RYR3: variants seen among roughly 807,000 people sequenced by gnomAD.
RYR3 encodes brain ryanodine receptor-calcium release channel.
Under a neutral mutation model 584.3 loss-of-function variants are expected in RYR3, and 207 were observed. That is an observed-to-expected ratio of 0.35 (90% CI 0.32 to 0.40). The LOEUF (loss-of-function observed/expected upper bound fraction) is 0.40, where lower values mean the gene tolerates loss of function less well. Among genes scored for constraint, RYR3 ranks in the 10% least tolerant of loss-of-function variants. RYR3 has a pLI of 1.00. For missense variants in RYR3, 5,616 were observed against 6,089.2 expected (o/e 0.92, Z 2.59); for synonymous variants, 2,416 against 2,248.5 (o/e 1.07, Z -2.11).
intron 1 of RYR3, among the ~76,000 whole-genome samples, chr15:33,362,434 G>GCAGCAT (rs1595856398): frequency 6.6e-6 from 1 of 152,292 alleles, no homozygotes; most frequent in East Asian, 1.9e-4. Context: ...AGCAGCAGCA[G>GCAGCAT]CAGCATCAGC....
chr15:33,603,190 C>G lies in RYR3; in HGVS notation c.1990C>G (p.Leu664Val). The G allele has an allele frequency of 6.2e-7, 1 of 1,613,904 alleles. No individual in the cohort carries two copies. Among genetic ancestry groups the G allele is most frequent in the Non-Finnish European group, 8.5e-7 (1 of 1,179,856 alleles). The change falls in exon 18 of 104, where the codon CTG becomes GTG. Residue 664 changes from leucine to valine, a missense_variant. Leu to Val is a conservative substitution (Grantham distance 32). This residue lies in a region of RYR3 where 1,284 missense variants were observed against 1,344.6 expected (regional missense o/e 0.95). Coordinates refer to ENST00000634891, the MANE Select transcript of RYR3 (RefSeq NM_001036.6). ...SAQYKKWYFE[L>V]IIDQVDPFLT... Reference sequence around the variant, plus strand: ...CCAGTACAAGAAGTGGTACTTCGAGCTGATTATCGACCAGGTGGACCCCTT... The same window carrying G: ...CCAGTACAAGAAGTGGTACTTCGAGGTGATTATCGACCAGGTGGACCCCTT...
chr15:33,799,783 A>C (rs1002491247), intron 67 of RYR3, among the ~76,000 whole-genome samples: 1 of 152,086 alleles, frequency 6.6e-6, no homozygotes, highest in Non-Finnish European at 1.5e-5. Flanking sequence ...TGAGCCCTTA[A>C]CCTGTGGGGA....
rs149237140 is a variant in RYR3 at position 33,827,914 on chromosome 15, A to G, written c.11334+627A>G. Among the ~76,000 whole-genome samples, 504 of 152,330 alleles carry G rather than the reference A, an allele frequency of 3.3e-3. 2 individuals carry two copies. The highest frequency in any genetic ancestry group is 0.011 in the African/African-American group (450 of 41,566). ...TAGTAAAGATTGAGAGGTTGGATAC[A>G]GGCATACCTCATTTTATTGCAGTTG... On this transcript the variant is annotated intron_variant, in intron 85 of 103. Coordinates refer to ENST00000634891, the MANE Select transcript of RYR3 (RefSeq NM_001036.6).
intron 1 of RYR3, among the ~76,000 whole-genome samples, chr15:33,435,752 G>A (rs965299013): frequency 1.3e-5 from 2 of 152,138 alleles, no homozygotes; most frequent in African/African-American, 4.8e-5. Context: ...AGATGAAGCT[G>A]CAGACCCTCG....
At position 33,806,758 on chromosome 15, in the gene RYR3, C is replaced by CT. The variant is rs10713428; in HGVS notation, c.10012-784dup. On this transcript the variant is annotated intron_variant, in intron 69 of 103. Transcript: ENST00000634891. Reference sequence around the variant, plus strand: ...TTTTGTTAATAAATCTTCTTTTTTCCTTTTTTTTTTTTTAAGACAGGGTGT... The same window carrying CT: ...TTTTGTTAATAAATCTTCTTTTTTCCTTTTTTTTTTTTTTAAGACAGGGTGT... 3.2e-3 allele frequency among the ~76,000 whole-genome samples: 453 copies of CT among 143,238 alleles called. 5 individuals are homozygous for CT. Among genetic ancestry groups the CT allele is most frequent in the South Asian group, 0.014 (62 of 4,458 alleles). 94.0% of individuals were successfully genotyped at this position (143,238 alleles called of 152,430 possible).
Position 33,696,276 on chromosome 15 carries a change from C to A in RYR3, c.5919C>A (p.Ile1973=). The change falls in exon 39 of 104, where the codon ATC becomes ATA. Residue 1973 remains isoleucine (I), a synonymous_variant. Transcript: ENST00000634891. ...TMICWAQEDQ[I]QDSELVRMMF... ...TCTGCTGGGCCCAGGAGGACCAGAT[C>A]CAGGATTCAGAGCTGGTCCGAATGA... 2 of 1,613,744 alleles carry A rather than the reference C, an allele frequency of 1.2e-6. No homozygotes were observed. The highest frequency in any genetic ancestry group is 1.7e-6 in the Non-Finnish European group (2 of 1,179,820).
At chr15:33,772,189 A>G (rs754031695) in intron 63 of RYR3, 31 bp downstream of exon 63, 17 of 1,433,554 alleles carry the variant, frequency 1.2e-5, no homozygotes, top group Non-Finnish European at 1.6e-5. Context: ...TCGTGGATGT[A>G]TGTGCACATG....
intron 6 of RYR3, among the ~76,000 whole-genome samples, chr15:33,540,396 G>A (rs754169536): frequency 6.6e-5 from 10 of 152,202 alleles, no homozygotes; most frequent in South Asian, 2.1e-4. Flanking sequence ...TGAGAGAAAC[G>A]TCAGAGAAGC....
At chr15:33,331,229 A>G (rs1015532103) in intron 1 of RYR3, among the ~76,000 whole-genome samples, 15 of 152,188 alleles carry the variant, frequency 9.9e-5, no homozygotes, top group African/African-American at 3.6e-4. Flanking sequence ...TTTTAAAACG[A>G]GTTCATTCTC....
intron 18 of RYR3, among the ~76,000 whole-genome samples, chr15:33,611,577 A>G (rs978473931): frequency 6.6e-6 from 1 of 151,930 alleles, no homozygotes; most frequent in Non-Finnish European, 1.5e-5. Context: ...AAAAATGTGT[A>G]TAACTCCATA....
At chr15:33,525,539 G>A (rs2054323754) in intron 3 of RYR3, among the ~76,000 whole-genome samples, 1 of 152,188 alleles carries the variant, frequency 6.6e-6, no homozygotes, top group African/African-American at 2.4e-5. Context: ...CTGTAACAAA[G>A]TACACCTTTC....
chr15:33,646,228 G>C lies in RYR3; in HGVS notation c.3766-123G>C, dbSNP rs890427827. 10 of 780,540 alleles carry C rather than the reference G, an allele frequency of 1.3e-5. No homozygotes were observed. The African/African-American group carries it at 1.4e-4, about 11-fold the overall frequency. 48.4% of individuals were successfully genotyped at this position (780,540 alleles called of 1,614,324 possible). ...TGAGAATCATAGTTTGGTTATCACT[G>C]GACACAACTTACTTCTGTAGTTCAC... On this transcript the variant is annotated intron_variant, in intron 28 of 103. Transcript: ENST00000634891.
At position 33,646,668 on chromosome 15, in the gene RYR3, A is replaced by C. The variant is rs980481532; in HGVS notation, c.3941+142A>C. 4.1e-6 allele frequency: 3 copies of C among 727,010 alleles called. No homozygotes were observed. In the Admixed American group the frequency reaches 8.7e-5, roughly 21 times the overall value. The allele number at this position is 727,010 out of a possible 1,614,324, so 45.0% of individuals were successfully genotyped here. A position where few individuals can be genotyped will look rare whatever the true frequency, so the allele number is the denominator to read the frequency against. On this transcript the variant is annotated intron_variant, in intron 29 of 103. Coordinates refer to ENST00000634891, the MANE Select transcript of RYR3 (RefSeq NM_001036.6). ...CAGTCAGGTAAAAAAGAAAATGAGA[A>C]TGTATGTGCACGCATGTACATGCAA...
chr15:33,693,128 G>A (rs967112106), intron 38 of RYR3, among the ~76,000 whole-genome samples: 1 of 152,164 alleles, frequency 6.6e-6, no homozygotes, highest in Non-Finnish European at 1.5e-5. Flanking sequence ...TTGTACTGAC[G>A]GGACTAGAAA....
At chr15:33,789,766 C>T (rs2075028770) in intron 67 of RYR3, among the ~76,000 whole-genome samples, 1 of 131,752 alleles carries the variant, frequency 7.6e-6, no homozygotes, top group Non-Finnish European at 1.6e-5. Flanking sequence ...GCTCCGCCTC[C>T]TGGGCTCATG....
chr15:33,490,773 TGA>T (rs1318224821), intron 2 of RYR3, among the ~76,000 whole-genome samples: 1 of 148,948 alleles, frequency 6.7e-6, no homozygotes, highest in African/African-American at 2.5e-5. Context: ...TCAAGAAAGA[TGA>T]GAACTTTTTG....
intron 49 of RYR3, 140 bp from the exon 50 acceptor site, chr15:33,738,310 T>G: frequency 2.4e-6 from 2 of 827,526 alleles, no homozygotes; most frequent in Non-Finnish European, 1.8e-6. Flanking sequence ...TTGAAGGGCC[T>G]CTTTGTAGAC....
At chr15:33,764,657 G>A (rs1312882347) in intron 60 of RYR3, among the ~76,000 whole-genome samples, 1 of 151,804 alleles carries the variant, frequency 6.6e-6, no homozygotes, top group African/African-American at 2.4e-5. Flanking sequence ...TGGGGAAAGT[G>A]AACACGTAAC....
chr15:33,548,262 G>A lies in RYR3; in HGVS notation c.815+58G>A, dbSNP rs186684177. The A allele has an allele frequency of 2.8e-5, 29 of 1,049,270 alleles. No homozygotes were observed. The East Asian group carries it at 3.3e-4, about 12-fold the overall frequency. The allele number at this position is 1,049,270 out of a possible 1,614,324, so 65.0% of individuals were successfully genotyped here. ...ATTACTTTCTTTTTCAGTACAGGCC[G>A]TTCTCTTAAATATTTCATTCATTCC... On this transcript the variant is annotated intron_variant, in intron 9 of 103. Transcript: ENST00000634891.
Sources: gnomAD v4.1 joint callset for allele counts (sites outside exome capture counted in the v4.1 genomes callset) on GRCh38, gnomAD v4.1.1 for gene constraint, gnomAD v4.1.1 regional missense constraint, MANE v1.5 for transcripts, NCBI Gene and HGNC (gene_info 2026-07-23, HGNC 2026-07-21) for gene names.